Variants in TSPAN9 observed in about 807,000 individuals in gnomAD.
The protein encoded by TSPAN9 is tetraspanin 9, also known as tetraspanin-9.
Under a neutral mutation model 31.0 loss-of-function variants are expected in TSPAN9, and 16 were observed. The ratio of observed to expected loss-of-function variants is 0.52; its 90% CI spans 0.35 to 0.78. TSPAN9 has a LOEUF of 0.78. Among genes scored for constraint, TSPAN9 ranks in the 30% least tolerant of loss-of-function variants. TSPAN9 has a pLI of 0.01. For missense variants in TSPAN9, 272 were observed against 312.5 expected (o/e 0.87, Z 0.98); for synonymous variants, 145 against 121.6 (o/e 1.19, Z -1.27).
chr12:3,230,138 TA>T (rs1275662840), intron 3 of TSPAN9, among the ~76,000 whole-genome samples: 1 of 152,206 alleles, frequency 6.6e-6, no homozygotes, highest in Non-Finnish European at 1.5e-5. Context: ...TGCATCACTC[TA>T]TGGAGGCGTC....
At chr12:3,117,449 T>A (rs2098322947) in intron 2 of TSPAN9, among the ~76,000 whole-genome samples, 1 of 151,946 alleles carries the variant, frequency 6.6e-6, no homozygotes. Flanking sequence ...GATTTTTGTA[T>A]CCTAGGGCCT....
intron 2 of TSPAN9, among the ~76,000 whole-genome samples, chr12:3,163,775 C>T (rs1743942525): frequency 6.6e-6 from 1 of 152,212 alleles, no homozygotes; most frequent in Admixed American, 6.5e-5. Context: ...ATGCTTGACT[C>T]CTGGCAGGAA....
chr12:3,201,399 C>A (rs71577821), intron 3 of TSPAN9, 143 bp downstream of exon 3: 12,560 of 742,270 alleles, frequency 0.017, 171 homozygotes, highest in Middle Eastern at 0.039. Flanking sequence ...AAATTGCCCC[C>A]GCCCCCCTTT....
chr12:3,136,440 C>T (rs113752427), intron 2 of TSPAN9, among the ~76,000 whole-genome samples: 28 of 152,314 alleles, frequency 1.8e-4, no homozygotes, highest in African/African-American at 6.5e-4. Context: ...CCCACAGCCC[C>T]TGTGTCAGGT....
In TSPAN9 at chr12:3,219,848, T is replaced by TAAAAA. The variant is rs552211012; in HGVS notation, c.63+18605_63+18609dup. Among the ~76,000 whole-genome samples, 726 of 135,864 alleles carry TAAAAA rather than the reference T, an allele frequency of 5.3e-3. 9 individuals are homozygous for TAAAAA. The highest frequency in any genetic ancestry group is 7.8e-3 in the Non-Finnish European group (500 of 64,446). 89.1% of individuals were successfully genotyped at this position (135,864 alleles called of 152,430 possible). ...ACATGTGTCCCAGAACTTAAACTAT[T>TAAAAA]AAAAAAAAAAAAAAAAAGGAATGAG... On this transcript the variant is annotated intron_variant, in intron 3 of 8. Coordinates refer to ENST00000011898, the MANE Select transcript of TSPAN9 (RefSeq NM_006675.5).
chr12:3,118,803 T>C (rs750781602), intron 2 of TSPAN9, among the ~76,000 whole-genome samples: 9 of 152,158 alleles, frequency 5.9e-5, no homozygotes, highest in Non-Finnish European at 1.3e-4. Context: ...TCATCATCTG[T>C]GACCTGTGGA....
At chr12:3,080,257 CTCAA>C (rs993440271) in intron 1 of TSPAN9, among the ~76,000 whole-genome samples, 4 of 152,186 alleles carry the variant, frequency 2.6e-5, no homozygotes, top group East Asian at 1.9e-4. Flanking sequence ...TTGGCAGCCA[CTCAA>C]TCAATTAGGA....
chr12:3,226,777 TATATATATATA>T (rs2098387910), intron 3 of TSPAN9, among the ~76,000 whole-genome samples: 5 of 7,146 alleles, frequency 7.0e-4, no homozygotes, highest in African/African-American at 1.4e-3. Context: ...TATATATATA[TATATATATATA>T]TATATATTTT....
chr12:3,281,115 G>T, intron 6 of TSPAN9, 83 bp from the exon 7 acceptor site: 4 of 1,535,128 alleles, frequency 2.6e-6, no homozygotes, highest in Non-Finnish European at 3.5e-6. Flanking sequence ...GGGGACTGGG[G>T]TTGGCCTGGG....
intron 3 of TSPAN9, among the ~76,000 whole-genome samples, chr12:3,223,822 G>A (rs1344565685): frequency 6.6e-6 from 1 of 152,196 alleles, no homozygotes; most frequent in Non-Finnish European, 1.5e-5. Flanking sequence ...GGGGCTGATG[G>A]GGTGGCCAGG....
At chr12:3,252,366 G>T (rs1862259283) in intron 3 of TSPAN9, among the ~76,000 whole-genome samples, 1 of 152,222 alleles carries the variant, frequency 6.6e-6, no homozygotes, top group Non-Finnish European at 1.5e-5. Context: ...CCCATTCCAG[G>T]CCAGGGAATG....
intron 2 of TSPAN9, among the ~76,000 whole-genome samples, chr12:3,119,528 C>CT (rs371194981): frequency 2.0e-5 from 3 of 152,176 alleles, no homozygotes; most frequent in African/African-American, 4.8e-5. Context: ...TTTGTGTGTG[C>CT]TTTTTTCTGC....
chr12:3,282,016 A>G, intron 8 of TSPAN9, 199 bp downstream of exon 8: 1 of 745,212 alleles, frequency 1.3e-6, no homozygotes, highest in Non-Finnish European at 2.4e-6. Flanking sequence ...CAGCACTGAG[A>G]GTGGTGCTCA....
chr12:3,191,367 C>G (rs758894759), intron 2 of TSPAN9, among the ~76,000 whole-genome samples: 7 of 152,144 alleles, frequency 4.6e-5, no homozygotes, highest in Non-Finnish European at 1.0e-4. Context: ...TCTGCTGTGC[C>G]CTGGCTCTGC....
In TSPAN9 at chr12:3,170,450, G is replaced by C. The variant is rs2098351134; in HGVS notation, c.-17-30727G>C. Among the ~76,000 whole-genome samples, 1 of 152,128 alleles carries C rather than the reference G, an allele frequency of 6.6e-6. No homozygotes were observed. Among genetic ancestry groups the C allele is most frequent in the African/African-American group, 2.4e-5 (1 of 41,396 alleles). ...GTGGGAAGAAACTCAGACTCCAAAG[G>C]CAAACCTTATAATTAAAAGACTTTT... is the stretch of plus-strand genomic sequence containing the variant. On this transcript the variant is annotated intron_variant, in intron 2 of 8. Coordinates refer to ENST00000011898, the MANE Select transcript of TSPAN9 (RefSeq NM_006675.5). This position sits in a 1 kb window ranked among gnomAD's most constrained non-coding sequence, Gnocchi z 4.4.
At chr12:3,121,558 T>G (rs1421027000) in intron 2 of TSPAN9, among the ~76,000 whole-genome samples, 4 of 91,384 alleles carry the variant, frequency 4.4e-5, no homozygotes, top group East Asian at 3.9e-4. Flanking sequence ...TTTTTTTTTT[T>G]GTAGAGACAA....
chr12:3,254,441 G>A (rs1862308557), intron 3 of TSPAN9, among the ~76,000 whole-genome samples: 1 of 152,164 alleles, frequency 6.6e-6, no homozygotes, highest in African/African-American at 2.4e-5. Context: ...CCCTTCCCCT[G>A]GGTCAGGCCT....
intron 3 of TSPAN9, among the ~76,000 whole-genome samples, chr12:3,267,216 C>T (rs1409636940): frequency 6.6e-6 from 1 of 151,938 alleles, no homozygotes; most frequent in Non-Finnish European, 1.5e-5. Flanking sequence ...AGCTCTTTGC[C>T]AGAAGATGGT....
chr12:3,255,612 A>G (rs1862330761), intron 3 of TSPAN9, among the ~76,000 whole-genome samples: 1 of 152,162 alleles, frequency 6.6e-6, no homozygotes, highest in Admixed American at 6.5e-5. Flanking sequence ...CACCAATGGG[A>G]TTTCTTTCTT....
Sources: gnomAD v4.1 joint callset for allele counts (sites outside exome capture counted in the v4.1 genomes callset) on GRCh38, gnomAD v4.1.1 for gene constraint, Gnocchi (gnomAD v3.1) non-coding constraint, MANE v1.5 for transcripts, NCBI Gene and HGNC (gene_info 2026-07-23, HGNC 2026-07-21) for gene names.